The following RORA variants were observed in gnomAD, a reference collection of about 807,000 sequenced individuals.
The protein encoded by RORA is RAR related orphan receptor A.
Under a neutral mutation model 69.5 loss-of-function variants are expected in RORA, and 7 were observed. That is an observed-to-expected ratio of 0.10 (90% CI 0.06 to 0.19). The LOEUF (loss-of-function observed/expected upper bound fraction) is 0.19, where lower values mean the gene tolerates loss of function less well. Ranked by LOEUF, RORA falls within the 10% of genes least tolerant of loss-of-function variation. The probability of loss-of-function intolerance (pLI) is 1.00; values close to 1 mark genes in which losing one functional copy is unlikely to be tolerated. For synonymous variants in RORA, 261 were observed against 240.8 expected, an observed-to-expected ratio of 1.08 and a Z score of -0.78; for missense variants, 457 against 663.0, an observed-to-expected ratio of 0.69 and a Z score of 3.41.
intron 1 of RORA, among the ~76,000 whole-genome samples, chr15:61,117,362 A>G (rs556594767): frequency 4.6e-5 from 7 of 152,166 alleles, no homozygotes; most frequent in Admixed American, 2.0e-4. Context: ...ACATTCACAG[A>G]CTTTTCTCCA....
chr15:61,084,818 AC>A (rs949349850), intron 1 of RORA, among the ~76,000 whole-genome samples: 5 of 141,086 alleles, frequency 3.5e-5, no homozygotes, highest in Non-Finnish European at 7.6e-5. Context: ...TTTCAGTTCT[AC>A]CCATCCTTTT....
intron 1 of RORA, among the ~76,000 whole-genome samples, chr15:61,200,823 C>T (rs1355314810): frequency 1.3e-5 from 2 of 152,188 alleles, no homozygotes; most frequent in Admixed American, 1.3e-4. Flanking sequence ...AACCATCTGC[C>T]AGGGCTTCTC....
At chr15:60,557,414 G>A (rs1567085177) in intron 2 of RORA, among the ~76,000 whole-genome samples, 1 of 152,170 alleles carries the variant, frequency 6.6e-6, no homozygotes, top group Non-Finnish European at 1.5e-5. Context: ...CAGAGGTGGT[G>A]GTTACAAGAC....
At chr15:60,717,796 CTTTTTTT>C (rs10653856) in intron 1 of RORA, among the ~76,000 whole-genome samples, 12 of 91,996 alleles carry the variant, frequency 1.3e-4, no homozygotes, top group East Asian at 3.9e-4. Flanking sequence ...TTCTTTTTCT[CTTTTTTT>C]TTTTTTTTTT....
intron 9 of RORA, among the ~76,000 whole-genome samples, 166 bp from the exon 10 acceptor site, chr15:60,500,170 A>T (rs570712311): frequency 6.6e-6 from 1 of 152,226 alleles, no homozygotes. Flanking sequence ...GTGAAAAGTG[A>T]TCCAAGGAAG....
chr15:61,132,510 A>G (rs2079199624), intron 1 of RORA, among the ~76,000 whole-genome samples: 1 of 152,206 alleles, frequency 6.6e-6, no homozygotes, highest in Non-Finnish European at 1.5e-5. Flanking sequence ...TATTATTTTT[A>G]TAGTAATCAC....
intron 1 of RORA, among the ~76,000 whole-genome samples, chr15:60,908,754 C>A (rs1026143395): frequency 2.6e-5 from 4 of 152,164 alleles, no homozygotes; most frequent in Non-Finnish European, 5.9e-5. Context: ...ATTACCCCCA[C>A]AGAAAGCGTG....
At chr15:60,985,727 G>A (rs1312456842) in intron 1 of RORA, among the ~76,000 whole-genome samples, 2 of 151,666 alleles carry the variant, frequency 1.3e-5, no homozygotes, top group African/African-American at 4.8e-5. Flanking sequence ...TGAGACTACA[G>A]GTGCGCGCCA....
chr15:61,114,590 G>C (rs917729827), intron 1 of RORA, among the ~76,000 whole-genome samples: 1 of 152,214 alleles, frequency 6.6e-6, no homozygotes, highest in African/African-American at 2.4e-5. Flanking sequence ...TTTTCTGCAA[G>C]TATTTGGAGT....
intron 1 of RORA, among the ~76,000 whole-genome samples, chr15:60,711,997 G>C (rs184666619): frequency 7.1e-6 from 1 of 140,268 alleles, no homozygotes; most frequent in African/African-American, 2.5e-5. Context: ...TTTGTGATAC[G>C]TAGTCTAATA....
At chr15:60,551,887 G>A (rs944932522) in intron 2 of RORA, among the ~76,000 whole-genome samples, 1 of 152,182 alleles carries the variant, frequency 6.6e-6, no homozygotes, top group African/African-American at 2.4e-5. Context: ...TTCAACTGGG[G>A]TTTATCCCAA....
intron 1 of RORA, among the ~76,000 whole-genome samples, chr15:61,152,433 A>G (rs1351139755): frequency 6.6e-6 from 1 of 150,554 alleles, no homozygotes; most frequent in Non-Finnish European, 1.5e-5. Context: ...AGCAAAAGTA[A>G]TATTTATAGT....
chr15:60,878,343 CAAAAAAAA>C (rs35845582), intron 1 of RORA, among the ~76,000 whole-genome samples: 20 of 68,424 alleles, frequency 2.9e-4, no homozygotes, highest in African/African-American at 1.1e-3. Context: ...GACTCTGTCT[CAAAAAAAA>C]AAAAAAAAAA....
At chr15:61,123,129 G>A (rs745748490) in intron 1 of RORA, among the ~76,000 whole-genome samples, 5 of 152,062 alleles carry the variant, frequency 3.3e-5, no homozygotes, top group Non-Finnish European at 7.3e-5. Context: ...AGGAGGCTGG[G>A]GTTTTAATCG....
intron 1 of RORA, among the ~76,000 whole-genome samples, chr15:61,042,629 C>CATTAATT (rs1896834963): frequency 6.6e-6 from 1 of 152,226 alleles, no homozygotes; most frequent in Non-Finnish European, 1.5e-5. Flanking sequence ...TTGTGCTTAG[C>CATTAATT]TGGCTGAGCG....
intron 1 of RORA, among the ~76,000 whole-genome samples, chr15:61,197,928 T>G (rs2079860064): frequency 1.3e-5 from 2 of 152,120 alleles, no homozygotes; most frequent in African/African-American, 4.8e-5. Context: ...AGAGTGGTAC[T>G]GCTTTGGCTG....
chr15:60,728,887 T>C (rs1250513357), intron 1 of RORA, among the ~76,000 whole-genome samples: 1 of 152,198 alleles, frequency 6.6e-6, no homozygotes, highest in Non-Finnish European at 1.5e-5. Context: ...TTAAAAACTT[T>C]ATACAATAAT....
intron 1 of RORA, among the ~76,000 whole-genome samples, chr15:61,050,319 C>G (rs1897236106): frequency 6.6e-6 from 1 of 152,210 alleles, no homozygotes; most frequent in Non-Finnish European, 1.5e-5. Context: ...CGTGTACAAA[C>G]TTTGTCCTCT....
At chr15:60,643,828 A>G (rs2069987992) in intron 2 of RORA, among the ~76,000 whole-genome samples, 1 of 152,236 alleles carries the variant, frequency 6.6e-6, no homozygotes, top group Admixed American at 6.5e-5. Flanking sequence ...CAGCTAAACA[A>G]AAAGGTGTGA....
Sources: gnomAD v4.1 joint callset for allele counts (sites outside exome capture counted in the v4.1 genomes callset) on GRCh38, gnomAD v4.1.1 for gene constraint, MANE v1.5 for transcripts, NCBI Gene and HGNC (gene_info 2026-07-23, HGNC 2026-07-21) for gene names.